Variants in DLK2 observed in about 807,000 individuals in gnomAD.
DLK2 encodes protein delta homolog 2.
In DLK2, 9 loss-of-function variants were observed where a neutral mutation model predicts 31.3. The ratio of observed to expected loss-of-function variants is 0.29; its 90% confidence interval spans 0.17 to 0.50. The LOEUF is 0.50. Among genes scored for constraint, DLK2 ranks in the 20% least tolerant of loss-of-function variants. The pLI is 0.98. For synonymous variants in DLK2, 169 were observed against 201.2 expected, an observed-to-expected ratio of 0.84 and a Z score of 1.35; for missense variants, 387 against 526.1, an observed-to-expected ratio of 0.74 and a Z score of 2.59.
rs951076861 is a variant in DLK2 at position 43,455,139 on chromosome 6, T to C, written c.-56+256A>G. ...AGGCCAGGCGCGGGAATGGCTGGGG[T>C]TGGGATCGTAGTCAGGACGGAGGGG... On this transcript the variant is annotated intron_variant, in intron 1 of 5. Coordinates refer to ENST00000372488, the MANE Select transcript of DLK2 (RefSeq NM_023932.4). 2.4e-5 allele frequency: 23 copies of C among 972,156 alleles called. No individual in the cohort carries two copies. In the Admixed American group the frequency reaches 5.0e-4, roughly 21 times the overall value. 60.2% of individuals were successfully genotyped at this position (972,156 alleles called of 1,614,324 possible).
chr6:43,452,620 G>A (rs1783814351), intron 4 of DLK2, among the ~76,000 whole-genome samples: 1 of 152,082 alleles, frequency 6.6e-6, no homozygotes, highest in Non-Finnish European at 1.5e-5. Context: ...GCTGAGGCAC[G>A]AGAATCACTT....
At chr6:43,452,174 G>A (rs1783789318) in intron 4 of DLK2, 90 bp from the exon 5 acceptor site, 1 of 1,564,412 alleles carries the variant, frequency 6.4e-7, no homozygotes, top group Non-Finnish European at 8.7e-7. Flanking sequence ...CCCAGGTTCT[G>A]TAGGTGTGGC....
At chr6:43,452,619 C>T (rs959807697) in intron 4 of DLK2, among the ~76,000 whole-genome samples, 3 of 151,768 alleles carry the variant, frequency 2.0e-5, no homozygotes, top group Non-Finnish European at 4.4e-5. Flanking sequence ...GGCTGAGGCA[C>T]GAGAATCACT....
In DLK2 at chr6:43,454,422, G is replaced by A. The variant is rs529987755; in HGVS notation, c.129C>T (p.Asp43=). The change falls in exon 3 of 6, where the codon GAC becomes GAT. Residue 43 remains aspartate (D), a synonymous_variant. Transcript: ENST00000372488. The part of the protein sequence containing the change: ...CDLAHGCCAP[D]GSCRCDPGWE... ...CTCAGGACAGGTACCTGCAGGAGCC[G>A]TCAGGTGCACAGCAGCCGTGGGCCA... is the stretch of plus-strand genomic sequence containing the variant. The A allele has an allele frequency of 4.4e-5, 70 of 1,603,802 alleles. No homozygotes were observed. Among genetic ancestry groups the A allele is most frequent in the African/African-American group, 4.0e-4 (30 of 74,942 alleles).
intron 4 of DLK2, 79 bp downstream of exon 4, chr6:43,452,926 A>G (rs775565029): frequency 1.7e-5 from 26 of 1,570,088 alleles, no homozygotes; most frequent in Non-Finnish European, 2.2e-5. Flanking sequence ...AGGACAAAAT[A>G]GGCACTCAAT....
upstream of DLK2, chr6:43,455,644 C>A (rs1050637116): frequency 1.3e-4 from 18 of 140,888 alleles, no homozygotes; most frequent in East Asian, 2.2e-4. Context: ...CCCCATCCCC[C>A]CCCCCGCGAC....
intron 4 of DLK2, 108 bp from the exon 5 acceptor site, chr6:43,452,192 C>G: frequency 2.7e-6 from 4 of 1,491,110 alleles, no homozygotes; most frequent in Non-Finnish European, 2.7e-6. Context: ...GGCTATACTA[C>G]AAACCCAGCC....
In DLK2 at chr6:43,454,482, AGATT is replaced by A; in HGVS notation, c.77-12_77-9del. On this transcript the variant is annotated splice_polypyrimidine_tract_variant and intron_variant, in intron 2 of 5. Transcript: ENST00000372488. ...GGGAGCTGCAGTCATCGGCTGCAAGAGATTGATGTGGGAGGGGTGAGTCTGAGTC... is the reference window on the plus strand; with the variant it reads ...GGGAGCTGCAGTCATCGGCTGCAAGAGATGTGGGAGGGGTGAGTCTGAGTC... 6.3e-7 allele frequency: 1 copy of A among 1,586,938 alleles called. No individual in the cohort carries two copies. Among genetic ancestry groups the A allele is most frequent in the Non-Finnish European group, 8.6e-7 (1 of 1,168,000 alleles).
rs572215963 is a variant in DLK2, at chr6:43,451,342, A to G, written c.417-68T>C. 7 of 1,539,996 alleles carry G rather than the reference A, an allele frequency of 4.5e-6. No homozygotes were observed. The highest frequency in any genetic ancestry group is 1.9e-5 in the Admixed American group (1 of 52,664). Reference sequence around the variant, plus strand: ...CACCTGTAGGGCAGCCCAGGTCAGTATCCTGACCACTGCCCGCCATGTCAT... The same window carrying G: ...CACCTGTAGGGCAGCCCAGGTCAGTGTCCTGACCACTGCCCGCCATGTCAT... On this transcript the variant is annotated intron_variant, in intron 5 of 5. Transcript: ENST00000372488. This position sits in a 1 kb window ranked among gnomAD's most constrained non-coding sequence, Gnocchi z 4.4.
rs746578817 is a variant in DLK2 at position 43,454,473 on chromosome 6, G to C, written c.78C>G (p.Ala26=). The part of the protein sequence containing the change: ...ILGAPGQPVR[A]DDCSSHCDLA... ...GGTCACAGTGGGAGCTGCAGTCATC[G>C]GCTGCAAGAGATTGATGTGGGAGGG... The change falls in exon 3 of 6, where the codon GCC becomes GCG. Residue 26 remains alanine (A), a splice_region_variant and synonymous_variant. Coordinates refer to ENST00000372488, the MANE Select transcript of DLK2 (RefSeq NM_023932.4). 1.3e-6 allele frequency: 2 copies of C among 1,590,424 alleles called. No individual in the cohort carries two copies. The highest frequency in any genetic ancestry group is 1.8e-5 in the Admixed American group (1 of 54,700).
rs1156673707 is a variant in DLK2, at chr6:43,451,314, C to G, written c.417-40G>C. On this transcript the variant is annotated intron_variant, in intron 5 of 5. Transcript: ENST00000372488. This position sits in a 1 kb window ranked among gnomAD's most constrained non-coding sequence, Gnocchi z 4.4. ...AGAGAGGACATGATAACCAACTTAC[C>G]AACACCTGTAGGGCAGCCCAGGTCA... 1 of 1,593,958 alleles carries G rather than the reference C, an allele frequency of 6.3e-7. No individual in the cohort carries two copies. The highest frequency in any genetic ancestry group is 2.2e-5 in the East Asian group (1 of 44,682).
chr6:43,453,101 G>A lies in DLK2; in HGVS notation c.175C>T (p.Arg59Cys). Residue 59 changes from arginine to cysteine, a missense_variant, in exon 4 of 6, where the codon CGC (arginine) becomes TGC (cysteine). Coordinates refer to ENST00000372488, the MANE Select transcript of DLK2 (RefSeq NM_023932.4). The surrounding 1 kb of genome is among the most constrained non-coding windows in gnomAD (Gnocchi z 4.1). ...DPGWEGLHCE[R>C]CVRMPGCQHG... ...TGGCAGCCAGGCATCCTCACACAGCGCTCACAGTGCAGCCCCTCCCAGCCC... is the reference window on the plus strand; with the variant it reads ...TGGCAGCCAGGCATCCTCACACAGCACTCACAGTGCAGCCCCTCCCAGCCC... The A allele has an allele frequency of 2.5e-6, 4 of 1,613,786 alleles. No individual in the cohort carries two copies. Among genetic ancestry groups the A allele is most frequent in the Non-Finnish European group, 2.5e-6 (3 of 1,179,786 alleles).
At chr6:43,454,298 A>G (rs1480714464) in intron 3 of DLK2, 113 bp downstream of exon 3, 7 of 984,318 alleles carry the variant, frequency 7.1e-6, no homozygotes, top group Non-Finnish European at 9.1e-6. Context: ...AGTCAGCCAT[A>G]GGAGTGATGA....
chr6:43,450,558 C>G lies in DLK2; in HGVS notation c.1133G>C (p.Gly378Ala). The change falls in exon 6 of 6, where the codon GGA (glycine) becomes GCA (alanine). Residue 378 changes from glycine (G) to alanine (A), a missense_variant. By Grantham distance (60) the Gly-to-Ala change is moderately conservative. Coordinates refer to ENST00000372488, the MANE Select transcript of DLK2 (RefSeq NM_023932.4). This position sits in a 1 kb window ranked among gnomAD's most constrained non-coding sequence, Gnocchi z 4.5. ...CCTCCATCACAGTGCTGTGGTCTTT[C>G]CAGGCTCAGGGGGCAAGTCACGTGG... ...PLPRDLPPEP[G>A]KTTAL The G allele has an allele frequency of 1.3e-6, 2 of 1,566,492 alleles. No homozygotes were observed. Among genetic ancestry groups the G allele is most frequent in the Non-Finnish European group, 1.7e-6 (2 of 1,154,764 alleles).
In DLK2 at chr6:43,453,347, C is replaced by A. The variant is rs183632281; in HGVS notation, c.141-212G>T. On this transcript the variant is annotated intron_variant, in intron 3 of 5. Coordinates refer to ENST00000372488, the MANE Select transcript of DLK2 (RefSeq NM_023932.4). This position sits in a 1 kb window ranked among gnomAD's most constrained non-coding sequence, Gnocchi z 4.1. Reference sequence around the variant, plus strand: ...CCAGCACTCAAACCCTGGTTCTGTACTTTAACCTGAGCCTCAGTTTTCTCA... The same window carrying A: ...CCAGCACTCAAACCCTGGTTCTGTAATTTAACCTGAGCCTCAGTTTTCTCA... Among the ~76,000 whole-genome samples, 355 of 152,340 alleles carry A rather than the reference C, an allele frequency of 2.3e-3. 3 individuals carry two copies. The highest frequency in any genetic ancestry group is 3.5e-3 in the Non-Finnish European group (239 of 68,042).
intron 2 of DLK2, 45 bp from the exon 3 acceptor site, chr6:43,454,519 A>AG: frequency 3.2e-6 from 5 of 1,549,916 alleles, no homozygotes; most frequent in Non-Finnish European, 4.4e-6. Flanking sequence ...GTCAGGGCAC[A>AG]GCTCGCTGGG....
intron 1 of DLK2, 111 bp downstream of exon 1, chr6:43,455,284 C>A (rs1027542815): frequency 6.7e-5 from 10 of 148,864 alleles, no homozygotes; most frequent in South Asian, 1.9e-4. Context: ...ACAGCCCCCC[C>A]CCCCGCCACC....
chr6:43,452,920 C>T, intron 4 of DLK2, 85 bp downstream of exon 4: 1 of 1,563,366 alleles, frequency 6.4e-7, no homozygotes, highest in South Asian at 1.2e-5. Flanking sequence ...TTGACAAGGA[C>T]AAAATAGGCA....
upstream of DLK2, chr6:43,455,576 C>A (rs1783950683): frequency 6.6e-6 from 1 of 150,474 alleles, no homozygotes; most frequent in Non-Finnish European, 1.5e-5. Flanking sequence ...CGAGCGGCGG[C>A]AGCGGCTGCT....
Sources: allele counts gnomAD v4.1 joint callset (sites outside exome capture counted in the v4.1 genomes callset), GRCh38; gene constraint gnomAD v4.1.1; non-coding constraint Gnocchi (gnomAD v3.1); transcripts MANE v1.5; gene names NCBI Gene and HGNC (gene_info 2026-07-23, HGNC 2026-07-21).